The following MUSK variants were observed in gnomAD, a reference collection of about 807,000 sequenced individuals.
MUSK encodes muscle associated receptor tyrosine kinase, also known as muscle, skeletal receptor tyrosine-protein kinase.
MUSK carries 55 observed loss-of-function variants against 88.7 expected under a neutral mutation model. That is an observed-to-expected ratio of 0.62 (90% CI 0.50 to 0.78). MUSK has a LOEUF of 0.78. MUSK is among the 30% of genes least tolerant of loss of function. The probability of loss-of-function intolerance (pLI) is 0.00; values close to 1 mark genes in which losing one functional copy is unlikely to be tolerated. For synonymous variants in MUSK, 387 were observed against 391.9 expected, an observed-to-expected ratio of 0.99 and a Z score of 0.15; for missense variants, 1,015 against 1,074.3, an observed-to-expected ratio of 0.94 and a Z score of 0.77.
intron 4 of MUSK, 30 bp from the exon 5 acceptor site, chr9:110,697,295 T>C (rs1488121824): frequency 6.2e-7 from 1 of 1,611,584 alleles, no homozygotes. Flanking sequence ...CCCATAAACA[T>C]TTTTGAATTC....
At chr9:110,730,143 G>A (rs747739758) in intron 5 of MUSK, among the ~76,000 whole-genome samples, 2 of 151,980 alleles carry the variant, frequency 1.3e-5, no homozygotes, top group Non-Finnish European at 2.9e-5. Context: ...CTGCTCAAGA[G>A]ACATTAAAGC....
At chr9:110,756,892 C>CTG (rs996725280) in intron 7 of MUSK, among the ~76,000 whole-genome samples, 5 of 151,434 alleles carry the variant, frequency 3.3e-5, no homozygotes, top group African/African-American at 4.9e-5. Context: ...GTGTGTGTGT[C>CTG]TGTGTGTGTG....
At chr9:110,669,507 A>G (rs2075929856) in intron 1 of MUSK, among the ~76,000 whole-genome samples, 1 of 152,230 alleles carries the variant, frequency 6.6e-6, no homozygotes, top group Non-Finnish European at 1.5e-5. Flanking sequence ...CCTGTGTAAC[A>G]AACCCGGAAG....
chr9:110,777,906 A>T (rs1025856507), intron 11 of MUSK, among the ~76,000 whole-genome samples: 4 of 152,160 alleles, frequency 2.6e-5, no homozygotes, highest in African/African-American at 9.6e-5. Context: ...TGAACTAACC[A>T]TTTAAACTGA....
chr9:110,696,631 A>G (rs1203532808), intron 4 of MUSK, among the ~76,000 whole-genome samples: 1 of 152,114 alleles, frequency 6.6e-6, no homozygotes, highest in East Asian at 1.9e-4. Context: ...TACTTATGTT[A>G]CTGAATTTAG....
chr9:110,681,061 AT>A lies in MUSK; in HGVS notation c.80-1612del, dbSNP rs2076114013. Among the ~76,000 whole-genome samples, 36 of 24,130 alleles carry A rather than the reference AT, an allele frequency of 1.5e-3. 4 individuals are homozygous for A. Among genetic ancestry groups the A allele is most frequent in the African/African-American group, 8.1e-3 (33 of 4,068 alleles). 15.8% of individuals were successfully genotyped at this position (24,130 alleles called of 152,430 possible). A position where few individuals can be genotyped will look rare whatever the true frequency, so the allele number is the denominator to read the frequency against. On this transcript the variant is annotated intron_variant, in intron 1 of 14. Transcript: ENST00000374448. ...TTATATAATATATATTATATATTATATATATAATATTATATATATTATATAA... is the reference window on the plus strand; with the variant it reads ...TTATATAATATATATTATATATTATAATATAATATTATATATATTATATAA...
At chr9:110,790,943 A>G (rs1452058982) in intron 14 of MUSK, among the ~76,000 whole-genome samples, 2 of 152,194 alleles carry the variant, frequency 1.3e-5, no homozygotes, top group Admixed American at 6.5e-5. Flanking sequence ...CACACAAGTA[A>G]GTTGAAGTCA....
chr9:110,689,744 TA>T (rs1451213086), intron 3 of MUSK, among the ~76,000 whole-genome samples: 1 of 8,796 alleles, frequency 1.1e-4, no homozygotes, highest in Non-Finnish European at 2.0e-4. Flanking sequence ...TATATAATAT[TA>T]TATATTATAT....
chr9:110,682,977 C>T (rs1050972896), intron 2 of MUSK, among the ~76,000 whole-genome samples, 177 bp downstream of exon 2: 2 of 152,146 alleles, frequency 1.3e-5, no homozygotes, highest in Middle Eastern at 3.4e-3. Flanking sequence ...GAATTACAAA[C>T]AATCCAATTA....
chr9:110,728,600 C>CT, intron 5 of MUSK: 3 of 830,404 alleles, frequency 3.6e-6, no homozygotes, highest in Non-Finnish European at 5.9e-6. Flanking sequence ...ACTGATGTTT[C>CT]TGTGGTCAAA....
intron 5 of MUSK, among the ~76,000 whole-genome samples, chr9:110,718,511 A>G (rs1459970272): frequency 6.6e-6 from 1 of 152,068 alleles, no homozygotes; most frequent in African/African-American, 2.4e-5. Flanking sequence ...GGCTTGAACT[A>G]ACCAAATCCA....
intron 5 of MUSK, among the ~76,000 whole-genome samples, chr9:110,718,768 T>C (rs1209538839): frequency 6.6e-6 from 1 of 152,030 alleles, no homozygotes; most frequent in Non-Finnish European, 1.5e-5. Context: ...AATCATTGCC[T>C]AGACACATAG....
At chr9:110,721,528 CT>C (rs1453759306) in intron 5 of MUSK, among the ~76,000 whole-genome samples, 1 of 152,070 alleles carries the variant, frequency 6.6e-6, no homozygotes, top group Non-Finnish European at 1.5e-5. Flanking sequence ...AAGAATATAT[CT>C]AACCAAGGAG....
intron 14 of MUSK, among the ~76,000 whole-genome samples, chr9:110,798,463 G>T (rs1158670612): frequency 1.3e-5 from 2 of 152,162 alleles, no homozygotes; most frequent in Non-Finnish European, 2.9e-5. Context: ...GGAGCAAACA[G>T]TAGAACAATC....
chr9:110,751,303 T>C (rs2077244592), intron 7 of MUSK, among the ~76,000 whole-genome samples: 1 of 151,796 alleles, frequency 6.6e-6, no homozygotes, highest in African/African-American at 2.4e-5. Context: ...CATCTTCCAG[T>C]GGTAGAAAGA....
chr9:110,751,254 G>A (rs12337098), intron 7 of MUSK, among the ~76,000 whole-genome samples: 6,282 of 152,124 alleles, frequency 0.041, 360 homozygotes, highest in African/African-American at 0.12. Flanking sequence ...CTCCATAAAC[G>A]GAACACCAAC....
intron 11 of MUSK, among the ~76,000 whole-genome samples, chr9:110,780,132 C>A (rs1056317641): frequency 1.3e-5 from 2 of 152,144 alleles, no homozygotes; most frequent in African/African-American, 2.4e-5. Flanking sequence ...AACTGATATA[C>A]TCTATTTTAT....
intron 9 of MUSK, among the ~76,000 whole-genome samples, chr9:110,770,388 C>A (rs1198455714): frequency 7.0e-6 from 1 of 143,218 alleles, no homozygotes; most frequent in African/African-American, 2.5e-5. Context: ...TAATTATAAG[C>A]TATATAATTA....
chr9:110,750,220 G>T (rs900696224), intron 7 of MUSK, among the ~76,000 whole-genome samples: 3 of 152,030 alleles, frequency 2.0e-5, no homozygotes, highest in Non-Finnish European at 4.4e-5. Context: ...CTCATTTCAG[G>T]TCATTATTCA....
Sources: gnomAD v4.1 joint callset for allele counts (sites outside exome capture counted in the v4.1 genomes callset) on GRCh38, gnomAD v4.1.1 for gene constraint, MANE v1.5 for transcripts, NCBI Gene and HGNC (gene_info 2026-07-23, HGNC 2026-07-21) for gene names.